The following CPNE8 variants were observed in gnomAD, a reference collection of about 807,000 sequenced individuals.
CPNE8 encodes copine 8, also known as copine-8.
CPNE8 carries 45 observed loss-of-function variants against 81.5 expected under a neutral mutation model. The ratio of observed to expected loss-of-function variants is 0.55; its 90% confidence interval spans 0.44 to 0.71. The LOEUF (loss-of-function observed/expected upper bound fraction) is 0.71. CPNE8 is among the 30% of genes least tolerant of loss of function. The probability of loss-of-function intolerance (pLI) is 0.00; values close to 1 mark genes in which losing one functional copy is unlikely to be tolerated. For missense variants in CPNE8, 594 were observed against 672.1 expected (o/e 0.88, Z 1.28); for synonymous variants, 252 against 226.3 (o/e 1.11, Z -1.02).
rs960266823 is a variant in CPNE8, at chr12:38,785,917, A to C, written c.408-9616T>G. Among the ~76,000 whole-genome samples the C allele has an allele frequency of 3.3e-5, 5 of 152,206 alleles. No individual in the cohort carries two copies. In the South Asian group the frequency reaches 1.0e-3, roughly 31 times the overall value. On this transcript the variant is annotated intron_variant, in intron 6 of 19. Coordinates refer to ENST00000331366, the MANE Select transcript of CPNE8 (RefSeq NM_153634.3). ...AAACAAGAAAATACAAGAGATACAA[A>C]AAATAACAAAGAAAAGCAAAACACT... is the stretch of plus-strand genomic sequence containing the variant.
intron 3 of CPNE8, among the ~76,000 whole-genome samples, chr12:38,857,302 G>A (rs1379516993): frequency 6.6e-6 from 1 of 151,950 alleles, no homozygotes; most frequent in South Asian, 2.1e-4. Flanking sequence ...TAATATAATT[G>A]GCAGTACATG....
chr12:38,716,895 C>A (rs1269624467), intron 13 of CPNE8, among the ~76,000 whole-genome samples: 1 of 152,006 alleles, frequency 6.6e-6, no homozygotes, highest in East Asian at 1.9e-4. Flanking sequence ...ATGAATCTGA[C>A]AAAGGACTGG....
At chr12:38,848,485 A>T in intron 4 of CPNE8, 74 bp downstream of exon 4, 1 of 1,465,252 alleles carries the variant, frequency 6.8e-7, no homozygotes, top group Non-Finnish European at 9.0e-7. Flanking sequence ...GTGCAACCAT[A>T]GGACCCTGCC....
intron 6 of CPNE8, among the ~76,000 whole-genome samples, chr12:38,805,935 C>A (rs1351204675): frequency 3.3e-5 from 5 of 149,806 alleles, no homozygotes; most frequent in Non-Finnish European, 7.4e-5. Flanking sequence ...CCACCGATCC[C>A]ACAGAAATAC....
At chr12:38,851,549 C>T (rs948412128) in intron 3 of CPNE8, among the ~76,000 whole-genome samples, 4 of 152,146 alleles carry the variant, frequency 2.6e-5, no homozygotes, top group Non-Finnish European at 5.9e-5. Context: ...CAAAACATGC[C>T]TCACAGCTGT....
chr12:38,901,839 A>G (rs1944467703), intron 1 of CPNE8, among the ~76,000 whole-genome samples: 2 of 152,060 alleles, frequency 1.3e-5, no homozygotes, highest in Non-Finnish European at 2.9e-5. Flanking sequence ...CTATTCCACA[A>G]TGATCCTTTC....
chr12:38,756,685 C>G (rs1941467615), intron 10 of CPNE8, among the ~76,000 whole-genome samples: 1 of 152,080 alleles, frequency 6.6e-6, no homozygotes, highest in Admixed American at 6.5e-5. Flanking sequence ...CCAGCTTTTC[C>G]CCATTTTATA....
chr12:38,677,360 A>AT (rs1939312394), intron 17 of CPNE8, 92 bp downstream of exon 17: 7 of 721,666 alleles, frequency 9.7e-6, no homozygotes, highest in Non-Finnish European at 1.7e-5. Flanking sequence ...TGGTGATTTT[A>AT]TTTTATTGTT....
intron 14 of CPNE8, among the ~76,000 whole-genome samples, chr12:38,702,488 C>T (rs1055256663): frequency 6.6e-6 from 1 of 151,758 alleles, no homozygotes; most frequent in African/African-American, 2.4e-5. Flanking sequence ...TACAAAAGTA[C>T]TATAAAAATG....
chr12:38,656,946 C>T (rs1399804314), intron 19 of CPNE8, among the ~76,000 whole-genome samples: 1 of 152,166 alleles, frequency 6.6e-6, no homozygotes, highest in Admixed American at 6.5e-5. Flanking sequence ...TGGTCTGCAG[C>T]TCCCAGCGTG....
intron 10 of CPNE8, among the ~76,000 whole-genome samples, chr12:38,752,164 G>A (rs890488442): frequency 2.0e-5 from 3 of 152,094 alleles, no homozygotes; most frequent in African/African-American, 7.2e-5. Flanking sequence ...TGACAATGGA[G>A]GCAACATTCG....
intron 1 of CPNE8, among the ~76,000 whole-genome samples, chr12:38,902,330 AAGAAAG>A (rs1322183233): frequency 2.7e-5 from 2 of 72,834 alleles, no homozygotes; most frequent in African/African-American, 8.5e-5. Flanking sequence ...GAAAGAAAGA[AAGAAAG>A]AAAGAAAGAA....
intron 10 of CPNE8, among the ~76,000 whole-genome samples, chr12:38,733,307 T>C (rs1422150194): frequency 6.6e-6 from 1 of 151,926 alleles, no homozygotes; most frequent in Non-Finnish European, 1.5e-5. Context: ...AAAGAGAATA[T>C]TAAAGGTATT....
rs1198708248 is a variant in CPNE8, at chr12:38,693,808, T to G, written c.992A>C (p.Tyr331Ser). Reference protein sequence around the residue: ...GNPAQPTSLHYMNPYQLNAYG... With the variant: ...GNPAQPTSLHSMNPYQLNAYG... The stretch of plus-strand genomic sequence containing the variant: ...GGCATTCAGTTGGTAAGGATTCATG[T>G]AGTGGAGGGAAGTGGGCTGAGCAGG... The change falls in exon 15 of 20, where the codon TAC becomes TCC. Residue 331 changes from tyrosine to serine, a missense_variant. By Grantham distance (144) the Tyr-to-Ser change is moderately radical (BLOSUM62 -2). Transcript: ENST00000331366. 6.2e-7 allele frequency: 1 copy of G among 1,611,896 alleles called. No individual in the cohort carries two copies. Among genetic ancestry groups the G allele is most frequent in the Non-Finnish European group, 8.5e-7 (1 of 1,178,952 alleles).
At chr12:38,751,933 C>T (rs369083354) in intron 10 of CPNE8, among the ~76,000 whole-genome samples, 13 of 152,120 alleles carry the variant, frequency 8.5e-5, no homozygotes, top group African/African-American at 2.2e-4. Flanking sequence ...TCTACTGCTA[C>T]GCTGCTCTCT....
chr12:38,891,545 T>C (rs1021950117), intron 1 of CPNE8, among the ~76,000 whole-genome samples: 5 of 151,864 alleles, frequency 3.3e-5, no homozygotes, highest in Admixed American at 3.3e-4. Context: ...CTTCCCAGGT[T>C]CAAGCAATTC....
At chr12:38,688,451 T>C (rs1939590309) in intron 15 of CPNE8, among the ~76,000 whole-genome samples, 1 of 152,206 alleles carries the variant, frequency 6.6e-6, no homozygotes, top group Non-Finnish European at 1.5e-5. Context: ...AATGAGATTT[T>C]CTTCTTAATA....
At chr12:38,763,306 C>T (rs2136856269) in intron 8 of CPNE8, among the ~76,000 whole-genome samples, 1 of 152,278 alleles carries the variant, frequency 6.6e-6, no homozygotes, top group South Asian at 2.1e-4. Context: ...AGGAAGCTCT[C>T]CAATTGCCAC....
chr12:38,810,935 T>G (rs2136986373), intron 6 of CPNE8, among the ~76,000 whole-genome samples: 1 of 152,290 alleles, frequency 6.6e-6, no homozygotes, highest in East Asian at 1.9e-4. Context: ...CTTCCCCACC[T>G]ACTGCATCTC....
Sources: allele counts gnomAD v4.1 joint callset (sites outside exome capture counted in the v4.1 genomes callset), GRCh38; gene constraint gnomAD v4.1.1; transcripts MANE v1.5; gene names NCBI Gene and HGNC (gene_info 2026-07-23, HGNC 2026-07-21).